Variants in SLIT1 observed in about 807,000 individuals in gnomAD.
SLIT1 encodes the protein slit guidance ligand 1.
SLIT1 carries 66 observed loss-of-function variants against 186.1 expected under a neutral mutation model. The ratio of observed to expected loss-of-function variants is 0.35; its 90% CI spans 0.29 to 0.44. SLIT1 has a LOEUF of 0.44. Ranked by LOEUF, SLIT1 falls within the 20% of genes least tolerant of loss-of-function variation. The pLI is 1.00. For synonymous variants in SLIT1, 761 were observed against 833.8 expected (o/e 0.91, Z 1.50); for missense variants, 1,638 against 2,037.4 (o/e 0.80, Z 3.77).
intron 22 of SLIT1, among the ~76,000 whole-genome samples, chr10:97,034,914 G>A (rs77119759): frequency 0.03 from 4,593 of 152,258 alleles, 105 homozygotes; most frequent in Non-Finnish European, 0.051. Context: ...AGGTGGGCTC[G>A]TTCAGAAGCC....
At chr10:97,090,299 G>A (rs1849216436) in intron 4 of SLIT1, among the ~76,000 whole-genome samples, 1 of 152,212 alleles carries the variant, frequency 6.6e-6, no homozygotes, top group South Asian at 2.1e-4. Flanking sequence ...TGTCAAGGGA[G>A]AAACGAAGTG....
chr10:97,185,888 G>C lies in SLIT1; in HGVS notation c.-214C>G. 2.0e-6 allele frequency: 1 copy of C among 498,906 alleles called. No individual in the cohort carries two copies. Among genetic ancestry groups the C allele is most frequent in the Non-Finnish European group, 3.5e-6 (1 of 286,674 alleles). 30.9% of individuals were successfully genotyped at this position (498,906 alleles called of 1,614,324 possible). A position where few individuals can be genotyped will look rare whatever the true frequency, so the allele number is the denominator to read the frequency against. ...AGGGCGCCTTGGGCGGAGGGGGCTC[G>C]GCTCCTCTGCCGTTTCGCCGCCTGC... is the stretch of plus-strand genomic sequence containing the variant. On this transcript the variant is annotated 5_prime_UTR_variant, in exon 1 of 37. Transcript: ENST00000266058.
Position 97,047,761 on chromosome 10 carries a change from G to C in SLIT1, c.1563C>G (p.Ala521=). Residue 521 remains alanine, a synonymous_variant, in exon 16 of 37, where the codon GCC becomes GCG. Coordinates refer to ENST00000266058, the MANE Select transcript of SLIT1 (RefSeq NM_003061.3). ...TCAGGCTGGAGCACTCCACCACGTT[G>C]GCCTCACAGCGGCACTTGTGGGGAC... The part of the protein sequence containing the change: ...VVCPHKCRCE[A]NVVECSSLKL... 2 of 1,614,084 alleles carry C rather than the reference G, an allele frequency of 1.2e-6. No homozygotes were observed. Among genetic ancestry groups the C allele is most frequent in the Non-Finnish European group, 1.7e-6 (2 of 1,180,010 alleles).
At chr10:97,071,800 C>G (rs1391726892) in intron 4 of SLIT1, among the ~76,000 whole-genome samples, 1 of 152,150 alleles carries the variant, frequency 6.6e-6, no homozygotes, top group East Asian at 1.9e-4. Context: ...TCAGATGAGG[C>G]AAGAATTTTC....
intron 3 of SLIT1, among the ~76,000 whole-genome samples, chr10:97,162,361 G>A (rs1330535399): frequency 6.6e-6 from 1 of 152,158 alleles, no homozygotes; most frequent in African/African-American, 2.4e-5. Flanking sequence ...TGTAATCCTA[G>A]CACTTTAGGA....
chr10:97,098,465 G>A (rs1041074732), intron 4 of SLIT1, among the ~76,000 whole-genome samples: 1 of 152,218 alleles, frequency 6.6e-6, no homozygotes, highest in African/African-American at 2.4e-5. Context: ...TAGGGGTACG[G>A]TGAGGACTTG....
chr10:97,002,816 G>A lies in SLIT1; in HGVS notation c.4042C>T (p.Leu1348=). 1.2e-6 allele frequency: 2 copies of A among 1,614,194 alleles called. No individual in the cohort carries two copies. The highest frequency in any genetic ancestry group is 1.7e-6 in the Non-Finnish European group (2 of 1,180,032). Residue 1348 remains leucine, a synonymous_variant, in exon 35 of 37, where the codon CTG becomes TTG. Coordinates refer to ENST00000266058, the MANE Select transcript of SLIT1 (RefSeq NM_003061.3). Reference sequence around the variant, plus strand: ...GCATTGGGCTGGCAGATGCCATGCAGGCAGTAGAGCTTGCGGCAGGGTTCG... The same window carrying A: ...GCATTGGGCTGGCAGATGCCATGCAAGCAGTAGAGCTTGCGGCAGGGTTCG... ...GCEPCRKLYC[L]HGICQPNATP...
chr10:97,085,730 G>A lies in SLIT1; in HGVS notation c.414-19644C>T, dbSNP rs1247381392. 2.0e-5 allele frequency among the ~76,000 whole-genome samples: 3 copies of A among 152,228 alleles called. No individual in the cohort carries two copies. In the East Asian group the frequency reaches 5.8e-4, roughly 29 times the overall value. ...ATCAATCAATTATTTATGAAATTAT[G>A]TAATTAATATCTATCTCCTTCATTT... On this transcript the variant is annotated intron_variant, in intron 4 of 36. Coordinates refer to ENST00000266058, the MANE Select transcript of SLIT1 (RefSeq NM_003061.3).
Position 97,060,656 on chromosome 10 carries a change from C to T in SLIT1, c.925G>A (p.Glu309Lys), listed in dbSNP as rs778542810. The T allele has an allele frequency of 6.2e-6, 10 of 1,613,158 alleles. No individual in the cohort carries two copies. Among genetic ancestry groups the T allele is most frequent in the Admixed American group, 3.3e-5 (2 of 60,028 alleles). The change falls in exon 9 of 37, where the codon GAG becomes AAG. Residue 309 changes from glutamate to lysine, a missense_variant. Physicochemically the swap from Glu to Lys is moderately conservative, Grantham distance 56. Around this residue, in one of 3 missense-constraint regions of SLIT1, gnomAD observed 1,245 missense variants for 1,535.3 expected, o/e 0.81. Coordinates refer to ENST00000266058, the MANE Select transcript of SLIT1 (RefSeq NM_003061.3). ...CGTACTCACATCTCCGTCATGGTCT[C>T]GGGCAGGTTGGCCGGGATGGCAGTG... ...GLTAIPANLPETMTEIRLELN... is the reference protein window; with the variant it reads ...GLTAIPANLPKTMTEIRLELN...
intron 1 of SLIT1, among the ~76,000 whole-genome samples, chr10:97,181,569 G>T (rs2105093): frequency 3.9e-5 from 6 of 152,314 alleles, no homozygotes; most frequent in Non-Finnish European, 7.4e-5. Context: ...GCAAGGCTGG[G>T]CATGGTGGCT....
At position 97,058,742 on chromosome 10, in the gene SLIT1, G is replaced by A. The variant is rs547471291; in HGVS notation, c.1085+718C>T. 7.9e-5 allele frequency among the ~76,000 whole-genome samples: 12 copies of A among 152,308 alleles called. No individual in the cohort carries two copies. The South Asian group carries it at 1.5e-3, about 18-fold the overall frequency. On this transcript the variant is annotated intron_variant, in intron 11 of 36. Transcript: ENST00000266058. Reference sequence around the variant, plus strand: ...TGAGTCCTGTGCTGCCAAGGAGCAGGTGAAAACACTCATCCCCTAGAGTAA... The same window carrying A: ...TGAGTCCTGTGCTGCCAAGGAGCAGATGAAAACACTCATCCCCTAGAGTAA...
chr10:97,177,020 A>G (rs898962564), intron 1 of SLIT1, among the ~76,000 whole-genome samples: 1 of 152,198 alleles, frequency 6.6e-6, no homozygotes, highest in African/African-American at 2.4e-5. Context: ...TCCAGAATCC[A>G]AATCACCGGA....
chr10:97,004,392 CTTT>C lies in SLIT1; in HGVS notation c.3711-173_3711-171del, dbSNP rs1848340727. ...TCGCATGATCCCTTTCACTCCCCTT[CTTT>C]GACTCCCTGGGGAAGGCTGAGAGGT... is the stretch of plus-strand genomic sequence containing the variant. On this transcript the variant is annotated intron_variant, in intron 33 of 36. Coordinates refer to ENST00000266058, the MANE Select transcript of SLIT1 (RefSeq NM_003061.3). The surrounding 1 kb of genome is among the most constrained non-coding windows in gnomAD (Gnocchi z 5.1). 6.6e-6 allele frequency among the ~76,000 whole-genome samples: 1 copy of C among 152,190 alleles called. No homozygotes were observed. The highest frequency in any genetic ancestry group is 2.4e-5 in the African/African-American group (1 of 41,452).
At position 97,004,292 on chromosome 10, in the gene SLIT1, C is replaced by G; in HGVS notation, c.3711-70G>C. 1.4e-6 allele frequency: 2 copies of G among 1,475,674 alleles called. No homozygotes were observed. Among genetic ancestry groups the G allele is most frequent in the Non-Finnish European group, 1.9e-6 (2 of 1,078,256 alleles). The allele number at this position is 1,475,674 out of a possible 1,614,324, so 91.4% of individuals were successfully genotyped here. A position where few individuals can be genotyped will look rare whatever the true frequency, so the allele number is the denominator to read the frequency against. On this transcript the variant is annotated intron_variant, in intron 33 of 36. Coordinates refer to ENST00000266058, the MANE Select transcript of SLIT1 (RefSeq NM_003061.3). This position sits in a 1 kb window ranked among gnomAD's most constrained non-coding sequence, Gnocchi z 5.1. The stretch of plus-strand genomic sequence containing the variant: ...CTGGACCATCCCTGCCTGGGCACTT[C>G]CCCAGAAACACCAGTAGCTGCTTCC...
intron 4 of SLIT1, among the ~76,000 whole-genome samples, chr10:97,096,562 AG>A (rs752208061): frequency 8.5e-5 from 13 of 152,202 alleles, no homozygotes; most frequent in Non-Finnish European, 1.8e-4. Context: ...CAAGCTAAAA[AG>A]GCTTCACGGA....
At position 97,063,589 on chromosome 10, in the gene SLIT1, T is replaced by C; in HGVS notation, c.659A>G (p.Asp220Gly). ...CTGCGAGAGCCAGGCCAGGTGGCAG[T>C]CGCAAAACAGGTGGTTGGAGTGCAG... ...FRLHSNHLFC[D>G]CHLAWLSQWL... The change falls in exon 8 of 37, where the codon GAC becomes GGC. Residue 220 changes from aspartate to glycine, a missense_variant. Asp to Gly is a moderately conservative substitution (Grantham distance 94). Transcript: ENST00000266058. 6.2e-7 allele frequency: 1 copy of C among 1,612,202 alleles called. No homozygotes were observed. The highest frequency in any genetic ancestry group is 8.5e-7 in the Non-Finnish European group (1 of 1,179,258).
At chr10:97,173,376 GA>G (rs769794065) in intron 1 of SLIT1, among the ~76,000 whole-genome samples, 1 of 152,186 alleles carries the variant, frequency 6.6e-6, no homozygotes, top group Non-Finnish European at 1.5e-5. Flanking sequence ...TACAGATGAG[GA>G]AATGGAGCCT....
rs760093122 is a variant in SLIT1 at position 97,006,454 on chromosome 10, C to G, written c.3579+29G>C. The G allele has an allele frequency of 6.5e-7, 1 of 1,545,716 alleles. No homozygotes were observed. On this transcript the variant is annotated intron_variant, in intron 32 of 36. Transcript: ENST00000266058. The surrounding 1 kb of genome is among the most constrained non-coding windows in gnomAD (Gnocchi z 4.0). ...CCAGGGTCGCCTGCTCCCTGACTCC[C>G]CTCTGTGACCAAGCCCCCTGGCACG...
chr10:97,074,723 G>A (rs546800288), intron 4 of SLIT1, among the ~76,000 whole-genome samples: 4 of 152,094 alleles, frequency 2.6e-5, no homozygotes, highest in African/African-American at 2.4e-5. Flanking sequence ...CCAGTCGGCC[G>A]CCCGCCCCTG....
Sources: gnomAD v4.1 joint callset for allele counts (sites outside exome capture counted in the v4.1 genomes callset) on GRCh38, gnomAD v4.1.1 for gene constraint, gnomAD v4.1.1 regional missense constraint, Gnocchi (gnomAD v3.1) non-coding constraint, MANE v1.5 for transcripts, NCBI Gene and HGNC (gene_info 2026-07-23, HGNC 2026-07-21) for gene names.